PCDH15: variants seen among roughly 807,000 people sequenced by gnomAD.
The protein encoded by PCDH15 is protocadherin related 15.
A neutral mutation model predicts 178.5 loss-of-function variants in PCDH15; 129 were observed. The ratio of observed to expected loss-of-function variants is 0.72; its 90% CI spans 0.63 to 0.84. The LOEUF is 0.84. PCDH15 is among the 40% of genes least tolerant of loss of function. The pLI is 0.00. For synonymous variants in PCDH15, 800 were observed against 732.0 expected (o/e 1.09, Z -1.50); for missense variants, 2,230 against 2,099.9 (o/e 1.06, Z -1.21).
intron 1 of PCDH15, among the ~76,000 whole-genome samples, chr10:55,263,243 C>T (rs1321833352): frequency 6.6e-6 from 1 of 152,172 alleles, no homozygotes; most frequent in East Asian, 1.9e-4. Context: ...AACTCCCAGA[C>T]TTCACCTCTT....
intron 1 of PCDH15, among the ~76,000 whole-genome samples, chr10:54,734,161 T>C (rs2132696587): frequency 6.6e-6 from 1 of 151,896 alleles, no homozygotes; most frequent in South Asian, 2.1e-4. Context: ...AAATATGTAT[T>C]TGTCAATCCC....
rs1565928786 is a variant in PCDH15 at position 54,681,361 on chromosome 10, T to C, written c.-28-17071A>G. The stretch of plus-strand genomic sequence containing the variant: ...TCATGAAATGAACATGGCACTAACA[T>C]AGGCTATCTACGGAGGATGTACAAA... On this transcript the variant is annotated intron_variant, in intron 1 of 37. Transcript: ENST00000644397. Among the ~76,000 whole-genome samples the C allele has an allele frequency of 2.0e-5, 3 of 152,190 alleles. No individual in the cohort carries two copies. In the East Asian group the frequency reaches 5.8e-4, roughly 29 times the overall value.
chr10:55,398,386 T>C (rs778401443), intron 2 of PCDH15, among the ~76,000 whole-genome samples: 5 of 152,120 alleles, frequency 3.3e-5, no homozygotes, highest in Non-Finnish European at 7.4e-5. Context: ...CACTTTGGTA[T>C]TTTTCTGATC....
At chr10:54,748,504 T>A (rs1945770452) in intron 1 of PCDH15, among the ~76,000 whole-genome samples, 1 of 152,160 alleles carries the variant, frequency 6.6e-6, no homozygotes, top group African/African-American at 2.4e-5. Context: ...GAGAGATAAC[T>A]GTCCATACCC....
At chr10:53,828,678 G>A (rs1588974925) in intron 30 of PCDH15, 105 bp from the exon 31 acceptor site, 7 of 959,974 alleles carry the variant, frequency 7.3e-6, no homozygotes, top group East Asian at 2.5e-5. Flanking sequence ...TAATTTATAC[G>A]TTAAATTCAT....
At chr10:53,935,433 CAT>C (rs2085482868) in intron 25 of PCDH15, among the ~76,000 whole-genome samples, 1 of 151,972 alleles carries the variant, frequency 6.6e-6, no homozygotes, top group Non-Finnish European at 1.5e-5. Context: ...CAACAGGAAA[CAT>C]ATGAGCAGTG....
intron 25 of PCDH15, among the ~76,000 whole-genome samples, chr10:53,908,818 C>T (rs2082861639): frequency 6.6e-6 from 1 of 152,178 alleles, no homozygotes; most frequent in Admixed American, 6.5e-5. Context: ...ATTCTTCAAA[C>T]AGTCCTATTG....
intron 2 of PCDH15, among the ~76,000 whole-genome samples, chr10:54,652,054 T>A (rs906424982): frequency 6.6e-6 from 1 of 152,000 alleles, no homozygotes; most frequent in Non-Finnish European, 1.5e-5. Context: ...CATTGAATAA[T>A]CTAGACTAAG....
chr10:54,600,322 A>G, intron 2 of PCDH15: 1 of 542,250 alleles, frequency 1.8e-6, no homozygotes, highest in Non-Finnish European at 3.6e-6. Flanking sequence ...GGAATCCAGG[A>G]AGAAAGACAT....
intron 2 of PCDH15, chr10:55,597,184 C>T (rs749217513): frequency 6.6e-6 from 1 of 152,148 alleles, no homozygotes; most frequent in Non-Finnish European, 1.5e-5. Context: ...GTCAACATAC[C>T]CAACCATAAG....
At chr10:55,173,482 A>C (rs2132125803) in intron 1 of PCDH15, among the ~76,000 whole-genome samples, 1 of 152,110 alleles carries the variant, frequency 6.6e-6, no homozygotes, top group South Asian at 2.1e-4. Context: ...AATCATAGTT[A>C]ATTTCATAGG....
chr10:54,054,781 C>G (rs2093849971), intron 18 of PCDH15, among the ~76,000 whole-genome samples: 1 of 151,896 alleles, frequency 6.6e-6, no homozygotes, highest in Non-Finnish European at 1.5e-5. Context: ...TTATGTAGCA[C>G]ATTTATATTG....
intron 13 of PCDH15, among the ~76,000 whole-genome samples, chr10:54,161,732 G>T (rs1454964671): frequency 6.6e-6 from 1 of 151,986 alleles, no homozygotes; most frequent in Non-Finnish European, 1.5e-5. Flanking sequence ...AAAATGAGAT[G>T]CCAGACCTCT....
intron 18 of PCDH15, among the ~76,000 whole-genome samples, chr10:54,032,334 GCT>G (rs923576195): frequency 2.6e-5 from 4 of 151,446 alleles, no homozygotes; most frequent in African/African-American, 9.7e-5. Context: ...ATGCCCTATT[GCT>G]TTTTTTCTGT....
At chr10:55,569,771 A>G (rs1424607070) in intron 2 of PCDH15, among the ~76,000 whole-genome samples, 1 of 152,002 alleles carries the variant, frequency 6.6e-6, no homozygotes, top group African/African-American at 2.4e-5. Flanking sequence ...AAAAAGTATG[A>G]TATTTAATGT....
intron 2 of PCDH15, among the ~76,000 whole-genome samples, chr10:54,554,985 G>C (rs1394165118): frequency 6.6e-6 from 1 of 152,076 alleles, no homozygotes; most frequent in East Asian, 1.9e-4. Context: ...TAAGCAGAAA[G>C]GACATTGGAA....
chr10:54,309,319 A>G (rs2060750844), intron 8 of PCDH15, among the ~76,000 whole-genome samples: 1 of 94,668 alleles, frequency 1.1e-5, no homozygotes, highest in Admixed American at 1.1e-4. Flanking sequence ...ATATACGTAC[A>G]TACACACACA....
chr10:54,733,337 T>C (rs11004519), intron 1 of PCDH15, among the ~76,000 whole-genome samples: 18,403 of 151,510 alleles, frequency 0.12, 1,248 homozygotes, highest in African/African-American at 0.17. Flanking sequence ...ACAATGAACA[T>C]CTTTAAGTCA....
At chr10:54,892,435 AAAG>A (rs1954478992) in intron 3 of PCDH15, among the ~76,000 whole-genome samples, 1 of 152,088 alleles carries the variant, frequency 6.6e-6, no homozygotes, top group Non-Finnish European at 1.5e-5. Flanking sequence ...ATAACAGGTA[AAAG>A]AAGAAACACA....
Sources: allele counts gnomAD v4.1 joint callset (sites outside exome capture counted in the v4.1 genomes callset), GRCh38; gene constraint gnomAD v4.1.1; transcripts MANE v1.5; gene names NCBI Gene and HGNC (gene_info 2026-07-23, HGNC 2026-07-21).